The following KCNH1 variants were observed in gnomAD, a reference collection of about 807,000 sequenced individuals.
The protein encoded by KCNH1 is potassium voltage-gated channel subfamily H member 1, also known as voltage-gated delayed rectifier potassium channel KCNH1.
In KCNH1, 27 loss-of-function variants were observed where a neutral mutation model predicts 69.2. The observed-to-expected ratio is 0.39, with a 90% CI of 0.29 to 0.54. KCNH1 has a LOEUF of 0.54. Among genes scored for constraint, KCNH1 ranks in the 20% least tolerant of loss-of-function variants. The pLI is 0.68. For missense variants in KCNH1, 798 were observed against 1,261.6 expected, an observed-to-expected ratio of 0.63 and a Z score of 5.57; for synonymous variants, 456 against 487.7, an observed-to-expected ratio of 0.93 and a Z score of 0.86.
intron 7 of KCNH1, among the ~76,000 whole-genome samples, chr1:210,871,511 A>G (rs1486318095): frequency 3.3e-5 from 5 of 152,200 alleles, no homozygotes; most frequent in Non-Finnish European, 7.3e-5. Flanking sequence ...TCAGGGATCT[A>G]GAACTAGAAA....
intron 10 of KCNH1, among the ~76,000 whole-genome samples, chr1:210,686,927 C>T (rs115701635): frequency 0.011 from 1,750 of 152,250 alleles, 41 homozygotes; most frequent in African/African-American, 0.039. Context: ...GTTTGAAGTG[C>T]CTGGTACCTA....
At chr1:211,117,802 G>C (rs1177636468) in intron 1 of KCNH1, among the ~76,000 whole-genome samples, 1 of 152,120 alleles carries the variant, frequency 6.6e-6, no homozygotes, top group Admixed American at 6.5e-5. Flanking sequence ...AAATCTCCAT[G>C]CTTCTGGCAG....
chr1:211,117,522 G>C (rs1345879331), intron 1 of KCNH1, among the ~76,000 whole-genome samples: 1 of 152,176 alleles, frequency 6.6e-6, no homozygotes, highest in Non-Finnish European at 1.5e-5. Context: ...TGTGCAACCA[G>C]AGCCAGCCTA....
chr1:211,056,657 T>C (rs916081700), intron 5 of KCNH1, among the ~76,000 whole-genome samples: 5 of 152,142 alleles, frequency 3.3e-5, no homozygotes, highest in South Asian at 4.1e-4. Flanking sequence ...GGGATGCTTG[T>C]GTCACCCATC....
At chr1:210,718,021 T>C (rs1055137705) in intron 10 of KCNH1, among the ~76,000 whole-genome samples, 5 of 151,764 alleles carry the variant, frequency 3.3e-5, no homozygotes, top group African/African-American at 1.2e-4. Flanking sequence ...GCCCGGGAAT[T>C]GCTTGAACCC....
rs558626948 is a variant in KCNH1 at position 210,871,405 on chromosome 1, A to G, written c.1462+48235T>C. Among the ~76,000 whole-genome samples, 141 of 152,188 alleles carry G rather than the reference A, an allele frequency of 9.3e-4. 1 individual carries two copies. Among genetic ancestry groups the G allele is most frequent in the Non-Finnish European group, 1.1e-3 (73 of 67,994 alleles). ...ATCATTAAAAAGTCAGGAAACAACAACTGCTGGAGAGGATGTGGAGAAATA... is the reference window on the plus strand; with the variant it reads ...ATCATTAAAAAGTCAGGAAACAACAGCTGCTGGAGAGGATGTGGAGAAATA... On this transcript the variant is annotated intron_variant, in intron 7 of 10. Transcript: ENST00000271751.
intron 6 of KCNH1, among the ~76,000 whole-genome samples, chr1:210,955,008 T>C (rs1688140791): frequency 6.6e-6 from 1 of 152,178 alleles, no homozygotes; most frequent in South Asian, 2.1e-4. Context: ...TTGCCTAGGT[T>C]TTCTTCTAGG....
At chr1:210,931,478 G>C (rs1451114481) in intron 6 of KCNH1, among the ~76,000 whole-genome samples, 1 of 152,116 alleles carries the variant, frequency 6.6e-6, no homozygotes, top group South Asian at 2.1e-4. Context: ...AGGACGCAAA[G>C]GCCTAAGAAT....
intron 9 of KCNH1, 141 bp from the exon 10 acceptor site, chr1:210,775,685 G>A (rs937387434): frequency 4.5e-5 from 27 of 605,980 alleles, no homozygotes; most frequent in Non-Finnish European, 7.0e-5. Flanking sequence ...CTATTTTAAC[G>A]TGAACCTTAA....
chr1:211,083,016 A>G, intron 4 of KCNH1, 118 bp from the exon 5 acceptor site: 1 of 770,850 alleles, frequency 1.3e-6, no homozygotes. Context: ...CTAAGCTCCC[A>G]TGAGTCACTC....
At chr1:210,764,310 C>A (rs1266377128) in intron 10 of KCNH1, among the ~76,000 whole-genome samples, 1 of 152,026 alleles carries the variant, frequency 6.6e-6, no homozygotes, top group Non-Finnish European at 1.5e-5. Context: ...TTGACCTAGG[C>A]AAATAATTTA....
intron 6 of KCNH1, among the ~76,000 whole-genome samples, chr1:210,967,883 A>G (rs1007748473): frequency 2.7e-5 from 4 of 148,316 alleles, no homozygotes; most frequent in Admixed American, 6.7e-5. Flanking sequence ...TTTTTTTATT[A>G]TACTTTAAGT....
At chr1:210,954,626 G>C (rs1278605479) in intron 6 of KCNH1, among the ~76,000 whole-genome samples, 1 of 152,164 alleles carries the variant, frequency 6.6e-6, no homozygotes, top group Non-Finnish European at 1.5e-5. Flanking sequence ...ATCTCATTGT[G>C]GCTTTGATTT....
intron 7 of KCNH1, among the ~76,000 whole-genome samples, chr1:210,917,345 GAGAA>G (rs1687368766): frequency 1.3e-5 from 2 of 151,972 alleles, no homozygotes; most frequent in South Asian, 2.1e-4. Flanking sequence ...CACAGAGAGA[GAGAA>G]AGAGAGAGAG....
chr1:211,058,195 T>C (rs747671205), intron 5 of KCNH1, among the ~76,000 whole-genome samples: 25 of 152,106 alleles, frequency 1.6e-4, no homozygotes, highest in Non-Finnish European at 3.2e-4. Context: ...ACCAGGACTG[T>C]CCTACAAGAA....
chr1:210,858,938 T>C, intron 7 of KCNH1: 2 of 395,416 alleles, frequency 5.1e-6, no homozygotes, highest in South Asian at 5.8e-5. Context: ...ATAAAGAAAA[T>C]ACACCCCCTA....
At chr1:210,974,617 G>A (rs1183469100) in intron 6 of KCNH1, among the ~76,000 whole-genome samples, 1 of 137,500 alleles carries the variant, frequency 7.3e-6, no homozygotes, top group African/African-American at 2.8e-5. Context: ...AGGCTGCAGT[G>A]CAGTGGCACG....
In KCNH1 at chr1:210,919,965, C is replaced by A. The variant is rs1333850412; in HGVS notation, c.1137G>T (p.Leu379=). 1 of 1,614,130 alleles carries A rather than the reference C, an allele frequency of 6.2e-7. No homozygotes were observed. The highest frequency in any genetic ancestry group is 8.5e-7 in the Non-Finnish European group (1 of 1,180,006). Residue 379 remains leucine (L), a synonymous_variant, in exon 7 of 11, where the codon CTG becomes CTT. Transcript: ENST00000271751. The surrounding 1 kb of genome is among the most constrained non-coding windows in gnomAD (Gnocchi z 4.2). ...DHYIEYGAAV[L]VLLVCVFGLA... ...GCCCAAACACACACACCAGCAGGAC[C>A]AGCACAGCAGCTCCATATTCAATGT...
chr1:210,917,679 G>A (rs985512099), intron 7 of KCNH1, among the ~76,000 whole-genome samples: 4 of 152,030 alleles, frequency 2.6e-5, no homozygotes, highest in Non-Finnish European at 4.4e-5. Flanking sequence ...GAGGTATTTC[G>A]ACTGACAAAG....
Sources: allele counts gnomAD v4.1 joint callset (sites outside exome capture counted in the v4.1 genomes callset), GRCh38; gene constraint gnomAD v4.1.1; non-coding constraint Gnocchi (gnomAD v3.1); transcripts MANE v1.5; gene names NCBI Gene and HGNC (gene_info 2026-07-23, HGNC 2026-07-21).